SKIL: variants seen among roughly 807,000 people sequenced by gnomAD.
SKIL encodes SKI like proto-oncogene.
A neutral mutation model predicts 69.6 loss-of-function variants in SKIL; 20 were observed. The ratio of observed to expected loss-of-function variants is 0.29; its 90% CI spans 0.20 to 0.42. SKIL has a LOEUF of 0.42. Ranked by LOEUF, SKIL falls within the 10% of genes least tolerant of loss-of-function variation. SKIL has a pLI of 1.00. For synonymous variants in SKIL, 310 were observed against 279.9 expected, an observed-to-expected ratio of 1.11 and a Z score of -1.08; for missense variants, 745 against 783.1, an observed-to-expected ratio of 0.95 and a Z score of 0.58.
chr3:170,390,926 G>T, intron 5 of SKIL, 110 bp from the exon 6 acceptor site: 1 of 638,658 alleles, frequency 1.6e-6, no homozygotes, highest in South Asian at 2.0e-5. Context: ...ATATAGAACT[G>T]ATAATGATAG....
chr3:170,380,667 T>A (rs1053730317), intron 2 of SKIL, among the ~76,000 whole-genome samples: 12 of 151,658 alleles, frequency 7.9e-5, no homozygotes, highest in Non-Finnish European at 1.6e-4. Flanking sequence ...AATAAATAAA[T>A]AAAATAGATT....
chr3:170,359,746 A>G lies in SKIL; in HGVS notation c.-586A>G, dbSNP rs371188532. 3 of 152,164 alleles carry G rather than the reference A, an allele frequency of 2.0e-5. No homozygotes were observed. The highest frequency in any genetic ancestry group is 4.4e-5 in the Non-Finnish European group (3 of 68,042). The allele number at this position is 152,164 out of a possible 1,614,324, so 9.4% of individuals were successfully genotyped here. A position where few individuals can be genotyped will look rare whatever the true frequency, so the allele number is the denominator to read the frequency against. ...TATAATCCTTGAAGATAACTGGGCA[A>G]TTTTTTAAGTCGGAGGCTGTTCTTA... On this transcript the variant is annotated 5_prime_UTR_variant, in exon 2 of 7. Transcript: ENST00000259119.
intron 1 of SKIL, among the ~76,000 whole-genome samples, chr3:170,358,292 A>T (rs1736040753): frequency 6.8e-6 from 1 of 147,762 alleles, no homozygotes; most frequent in South Asian, 2.1e-4. Context: ...GGGGGGGTGG[A>T]TTTCCACAGT....
intron 5 of SKIL, among the ~76,000 whole-genome samples, chr3:170,390,783 CT>C (rs1471767365): frequency 6.6e-6 from 1 of 152,122 alleles, no homozygotes; most frequent in Non-Finnish European, 1.5e-5. Flanking sequence ...CCCAGCCCCC[CT>C]GTATATTCTT....
chr3:170,380,050 A>G lies in SKIL; in HGVS notation c.1099-1194A>G, dbSNP rs552286166. Reference sequence around the variant, plus strand: ...ATTAAGAATGATGTATAAAGTTCTCAGCCCGTAGATGTTCATTAAGTTACC... The same window carrying G: ...ATTAAGAATGATGTATAAAGTTCTCGGCCCGTAGATGTTCATTAAGTTACC... On this transcript the variant is annotated intron_variant, in intron 2 of 6. Transcript: ENST00000259119. Among the ~76,000 whole-genome samples the G allele has an allele frequency of 2.2e-3, 341 of 152,338 alleles. 1 individual carries two copies. The highest frequency in any genetic ancestry group is 8.0e-3 in the African/African-American group (331 of 41,584).
chr3:170,369,026 G>A (rs943126564), intron 2 of SKIL, among the ~76,000 whole-genome samples: 1 of 148,512 alleles, frequency 6.7e-6, no homozygotes, highest in African/African-American at 2.5e-5. Flanking sequence ...GAGTAATCAA[G>A]TTTTTGGAGC....
intron 2 of SKIL, among the ~76,000 whole-genome samples, chr3:170,378,166 CA>C (rs1737129827): frequency 6.6e-6 from 1 of 152,176 alleles, no homozygotes; most frequent in South Asian, 2.1e-4. Flanking sequence ...GCTGGGATTA[CA>C]GGCGTGAGCC....
intron 2 of SKIL, among the ~76,000 whole-genome samples, chr3:170,371,944 T>C (rs1052856801): frequency 2.6e-5 from 4 of 152,208 alleles, no homozygotes; most frequent in Admixed American, 2.0e-4. Context: ...AATTGCCAGT[T>C]TACATTATTT....
At chr3:170,386,509 T>C (rs765696460) in intron 4 of SKIL, among the ~76,000 whole-genome samples, 13 of 152,312 alleles carry the variant, frequency 8.5e-5, no homozygotes, top group Non-Finnish European at 1.9e-4. Flanking sequence ...TCTGTTGCTC[T>C]AGGCTGGTGG....
At chr3:170,386,117 TG>T (rs1737618331) in intron 4 of SKIL, among the ~76,000 whole-genome samples, 1 of 149,972 alleles carries the variant, frequency 6.7e-6, no homozygotes, top group South Asian at 2.1e-4. Context: ...GGGGGTTTTC[TG>T]GTTTTTTTGT....
intron 2 of SKIL, among the ~76,000 whole-genome samples, chr3:170,365,487 G>A (rs565084417): frequency 1.1e-3 from 162 of 152,166 alleles, no homozygotes; most frequent in African/African-American, 3.3e-3. Context: ...CTGCCATATC[G>A]TGCACATATT....
chr3:170,364,311 CTTTT>C (rs34818157), intron 2 of SKIL, among the ~76,000 whole-genome samples: 2 of 59,972 alleles, frequency 3.3e-5, no homozygotes, highest in African/African-American at 5.7e-5. Flanking sequence ...TTGCTCCCGT[CTTTT>C]TTTTTTTTTT....
At chr3:170,390,627 C>T (rs1015806905) in intron 5 of SKIL, among the ~76,000 whole-genome samples, 163 bp downstream of exon 5, 4 of 152,160 alleles carry the variant, frequency 2.6e-5, no homozygotes, top group Non-Finnish European at 4.4e-5. Context: ...GCTAGCATTA[C>T]AGGCACGTGC....
intron 6 of SKIL, among the ~76,000 whole-genome samples, 157 bp from the exon 7 acceptor site, chr3:170,392,102 G>C (rs1737955815): frequency 6.6e-6 from 1 of 152,158 alleles, no homozygotes; most frequent in Non-Finnish European, 1.5e-5. Flanking sequence ...TGTCCTGTCA[G>C]ATGTCAGATT....
intron 2 of SKIL, among the ~76,000 whole-genome samples, chr3:170,379,269 C>T (rs1474569135): frequency 2.0e-5 from 3 of 152,194 alleles, no homozygotes; most frequent in Admixed American, 6.5e-5. Flanking sequence ...TGAGCCACTG[C>T]GCCTGGCCAT....
Position 170,384,706 on chromosome 3 carries a change from C to T in SKIL, c.1370C>T (p.Ser457Leu). Residue 457 changes from serine to leucine, a missense_variant, in exon 4 of 7, where the codon TCA becomes TTA. Transcript: ENST00000259119. ...AAAACAGTGTCTTATCCAGATGTCT[C>T]ACTTGAGGAACAGGAGAAAATGGAT... ...LQKTVSYPDV[S>L]LEEQEKMDLK... 3 of 1,612,426 alleles carry T rather than the reference C, an allele frequency of 1.9e-6. No individual in the cohort carries two copies. The highest frequency in any genetic ancestry group is 2.5e-6 in the Non-Finnish European group (3 of 1,178,774).
intron 2 of SKIL, among the ~76,000 whole-genome samples, chr3:170,377,934 C>T (rs1737114305): frequency 6.6e-6 from 1 of 151,874 alleles, no homozygotes; most frequent in South Asian, 2.1e-4. Flanking sequence ...TGCTCTGTCA[C>T]CCAGGCTGGA....
chr3:170,369,441 G>C (rs1264165123), intron 2 of SKIL, among the ~76,000 whole-genome samples: 3 of 152,010 alleles, frequency 2.0e-5, no homozygotes, highest in Admixed American at 6.6e-5. Flanking sequence ...TGCTCTTGTA[G>C]CTCAGGCTGG....
At chr3:170,390,988 C>T in intron 5 of SKIL, 48 bp from the exon 6 acceptor site, 2 of 1,043,550 alleles carry the variant, frequency 1.9e-6, no homozygotes, top group Non-Finnish European at 2.9e-6. Flanking sequence ...AAAATTTTAA[C>T]ATGGTGAAAA....
Sources: gnomAD v4.1 joint callset for allele counts (sites outside exome capture counted in the v4.1 genomes callset) on GRCh38, gnomAD v4.1.1 for gene constraint, MANE v1.5 for transcripts, NCBI Gene and HGNC (gene_info 2026-07-23, HGNC 2026-07-21) for gene names.